The following TNFAIP8L3 variants were observed in gnomAD, a reference collection of about 807,000 sequenced individuals.
TNFAIP8L3 encodes the protein tumor necrosis factor alpha-induced protein 8-like protein 3.
A neutral mutation model predicts 11.8 loss-of-function variants in TNFAIP8L3; 7 were observed. The observed-to-expected ratio is 0.59, with a 90% CI of 0.34 to 1.11. The LOEUF is 1.11. Ranked by LOEUF, TNFAIP8L3 falls within the 50% of genes most tolerant of loss-of-function variation. TNFAIP8L3 has a pLI of 0.03. For missense variants in TNFAIP8L3, 219 were observed against 258.6 expected (o/e 0.85, Z 1.05); for synonymous variants, 98 against 103.8 (o/e 0.94, Z 0.34).
chr15:51,083,196 A>G (rs2065404498), intron 1 of TNFAIP8L3, among the ~76,000 whole-genome samples: 1 of 152,180 alleles, frequency 6.6e-6, no homozygotes, highest in Non-Finnish European at 1.5e-5. Flanking sequence ...TTCAAGATGC[A>G]CAAGGAATCT....
chr15:51,064,301 A>G (rs1337326073), intron 1 of TNFAIP8L3, among the ~76,000 whole-genome samples: 2 of 152,174 alleles, frequency 1.3e-5, no homozygotes, highest in African/African-American at 2.4e-5. Flanking sequence ...CAGGAAAGAA[A>G]GTCTTGAGGT....
chr15:51,094,602 G>A lies in TNFAIP8L3; in HGVS notation c.-7C>T, dbSNP rs1226815175. The A allele has an allele frequency of 1.4e-6, 2 of 1,481,234 alleles. No individual in the cohort carries two copies. The highest frequency in any genetic ancestry group is 8.9e-7 in the Non-Finnish European group (1 of 1,119,946). The allele number at this position is 1,481,234 out of a possible 1,614,324, so 91.8% of individuals were successfully genotyped here. A position where few individuals can be genotyped will look rare whatever the true frequency, so the allele number is the denominator to read the frequency against. On this transcript the variant is annotated 5_prime_UTR_variant, in exon 1 of 2. Transcript: ENST00000637513. The surrounding 1 kb of genome is among the most constrained non-coding windows in gnomAD (Gnocchi z 4.4). ...CCCCGGAATCCGAATCCATGCTGCG[G>A]GCTGCTGGCTGGGCGTCCACGGCCA...
intron 1 of TNFAIP8L3, among the ~76,000 whole-genome samples, chr15:51,060,653 G>C (rs939755051): frequency 6.6e-6 from 1 of 152,202 alleles, no homozygotes; most frequent in Admixed American, 6.5e-5. Flanking sequence ...GCAGGTGTCG[G>C]CTGAGCGAAG....
intron 1 of TNFAIP8L3, chr15:51,104,940 A>G (rs1211301954): frequency 5.6e-6 from 9 of 1,604,534 alleles, no homozygotes; most frequent in African/African-American, 2.7e-5. Flanking sequence ...GCCACCTTGC[A>G]TGCTTTGCAC....
intron 1 of TNFAIP8L3, among the ~76,000 whole-genome samples, chr15:51,100,579 C>T (rs371490085): frequency 6.6e-6 from 1 of 152,078 alleles, no homozygotes; most frequent in African/African-American, 2.4e-5. Flanking sequence ...TGTATTGCTA[C>T]AATAAGGGCA....
chr15:51,076,418 A>G (rs2140972126), intron 1 of TNFAIP8L3, among the ~76,000 whole-genome samples: 1 of 152,316 alleles, frequency 6.6e-6, no homozygotes, highest in East Asian at 1.9e-4. Context: ...ACTTCCTGGA[A>G]GTTTCTCAGA....
chr15:51,091,717 C>G (rs918086352), intron 1 of TNFAIP8L3, among the ~76,000 whole-genome samples: 1 of 148,954 alleles, frequency 6.7e-6, no homozygotes, highest in African/African-American at 2.5e-5. Flanking sequence ...CACACACACA[C>G]GTGCACACAC....
chr15:51,072,989 C>CTT lies in TNFAIP8L3; in HGVS notation c.53-14547_53-14546insAA, dbSNP rs2065321403. On this transcript the variant is annotated intron_variant, in intron 1 of 1. Transcript: ENST00000637513. ...ATGTTGATCTGAAGTAAACTGGGAT[C>CTT]CTTTTTTTTTTTTTTTTTTTTTTTG... is the stretch of plus-strand genomic sequence containing the variant. Among the ~76,000 whole-genome samples the CTT allele has an allele frequency of 5.6e-3, 255 of 45,668 alleles. 15 individuals are homozygous for CTT. Among genetic ancestry groups the CTT allele is most frequent in the Admixed American group, 6.0e-3 (20 of 3,332 alleles). The allele number at this position is 45,668 out of a possible 152,430, so 30.0% of individuals were successfully genotyped here.
chr15:51,073,836 T>C (rs2065330547), intron 1 of TNFAIP8L3, among the ~76,000 whole-genome samples: 1 of 152,226 alleles, frequency 6.6e-6, no homozygotes, highest in South Asian at 2.1e-4. Context: ...TTATCTTCCT[T>C]TTATTCCTAT....
intron 1 of TNFAIP8L3, among the ~76,000 whole-genome samples, chr15:51,060,568 C>G (rs1166844483): frequency 6.6e-6 from 1 of 152,226 alleles, no homozygotes; most frequent in African/African-American, 2.4e-5. Flanking sequence ...CATCCAGTGG[C>G]AGGTTGGTGC....
upstream of TNFAIP8L3, among the ~76,000 whole-genome samples, chr15:51,099,053 A>G (rs535176720): frequency 7.9e-5 from 12 of 152,372 alleles, no homozygotes; most frequent in Non-Finnish European, 1.6e-4. Context: ...AGAAAATTGC[A>G]ACTAACAAAA....
chr15:51,067,034 C>A (rs2065276392), intron 1 of TNFAIP8L3, among the ~76,000 whole-genome samples: 1 of 151,990 alleles, frequency 6.6e-6, no homozygotes, highest in Non-Finnish European at 1.5e-5. Context: ...CAAAAAAAAA[C>A]CTTGATCCTC....
At chr15:51,070,938 C>T (rs1595609275) in intron 1 of TNFAIP8L3, among the ~76,000 whole-genome samples, 1 of 145,078 alleles carries the variant, frequency 6.9e-6, no homozygotes, top group Non-Finnish European at 1.5e-5. Context: ...GTAGTCCCAG[C>T]TACTTGGGAG....
chr15:51,068,769 C>T (rs1361979692), intron 1 of TNFAIP8L3, among the ~76,000 whole-genome samples: 8 of 150,048 alleles, frequency 5.3e-5, no homozygotes, highest in Admixed American at 3.4e-4. Context: ...CGGGTTCAAG[C>T]GATTCTCCTG....
chr15:51,059,406 C>T (rs1396492907), intron 1 of TNFAIP8L3, among the ~76,000 whole-genome samples: 2 of 152,210 alleles, frequency 1.3e-5, no homozygotes, highest in Non-Finnish European at 2.9e-5. Flanking sequence ...TAATTTATAG[C>T]GTATTTTTTT....
chr15:51,098,346 G>T (rs374045336), upstream of TNFAIP8L3, among the ~76,000 whole-genome samples: 1 of 152,168 alleles, frequency 6.6e-6, no homozygotes, highest in East Asian at 1.9e-4. Context: ...CTCTAGAACC[G>T]CTGTTTTCTG....
At chr15:51,101,823 G>C (rs1256367626) in intron 1 of TNFAIP8L3, among the ~76,000 whole-genome samples, 1 of 139,696 alleles carries the variant, frequency 7.2e-6, no homozygotes, top group Non-Finnish European at 1.6e-5. Context: ...GCGGGCGCCT[G>C]TAGTCCCAGC....
At chr15:51,061,387 T>A (rs2065241599) in intron 1 of TNFAIP8L3, among the ~76,000 whole-genome samples, 1 of 152,206 alleles carries the variant, frequency 6.6e-6, no homozygotes, top group South Asian at 2.1e-4. Flanking sequence ...GATTAAATAG[T>A]TAGGAAAGAT....
At chr15:51,069,477 C>T (rs951434107) in intron 1 of TNFAIP8L3, 1 of 152,144 alleles carries the variant, frequency 6.6e-6, no homozygotes, top group African/African-American at 2.4e-5. Flanking sequence ...AAGATGAAGA[C>T]CTTTCCCCTA....
Sources: gnomAD v4.1 joint callset for allele counts (sites outside exome capture counted in the v4.1 genomes callset) on GRCh38, gnomAD v4.1.1 for gene constraint, Gnocchi (gnomAD v3.1) non-coding constraint, MANE v1.5 for transcripts, NCBI Gene and HGNC (gene_info 2026-07-23, HGNC 2026-07-21) for gene names.